ATF7IP: variants seen among roughly 807,000 people sequenced by gnomAD.
The protein encoded by ATF7IP is activating transcription factor 7 interacting protein, also known as activating transcription factor 7-interacting protein 1.
A neutral mutation model predicts 106.4 loss-of-function variants in ATF7IP; 23 were observed. The ratio of observed to expected loss-of-function variants is 0.22; its 90% CI spans 0.16 to 0.31. The LOEUF (loss-of-function observed/expected upper bound fraction) is 0.31, where lower values mean the gene tolerates loss of function less well. Ranked by LOEUF, ATF7IP falls within the 10% of genes least tolerant of loss-of-function variation. The probability of loss-of-function intolerance (pLI) is 1.00; values close to 1 mark genes in which losing one functional copy is unlikely to be tolerated. For synonymous variants in ATF7IP, 542 were observed against 539.0 expected (o/e 1.01, Z -0.08); for missense variants, 1,334 against 1,524.3 (o/e 0.88, Z 2.08).
intron 8 of ATF7IP, among the ~76,000 whole-genome samples, chr12:14,459,982 A>G (rs947987604): frequency 3.5e-4 from 54 of 152,302 alleles, no homozygotes; most frequent in Admixed American, 2.4e-3. Flanking sequence ...AAGGAATTCA[A>G]TCAAACTTGA....
At chr12:14,417,439 A>G in intron 1 of ATF7IP, among the ~76,000 whole-genome samples, 1 of 152,110 alleles carries the variant, frequency 6.6e-6, no homozygotes. Flanking sequence ...AATCTGTAAC[A>G]ATAGTGGTAG....
At chr12:14,452,367 A>C (rs916248702) in intron 6 of ATF7IP, among the ~76,000 whole-genome samples, 16 of 151,900 alleles carry the variant, frequency 1.1e-4, no homozygotes, top group African/African-American at 3.6e-4. Flanking sequence ...GAAGGGACTT[A>C]TTGTTGTCAT....
chr12:14,479,859 G>A (rs1382921426), intron 12 of ATF7IP, among the ~76,000 whole-genome samples: 2 of 152,052 alleles, frequency 1.3e-5, no homozygotes, highest in Admixed American at 6.5e-5. Flanking sequence ...TTATAAGTAA[G>A]TTCAACCTTG....
In ATF7IP at chr12:14,481,171, T is replaced by G. The variant is rs759681950; in HGVS notation, c.3266T>G (p.Val1089Gly). The change falls in exon 13 of 15, where the codon GTC (valine) becomes GGC (glycine). Residue 1089 changes from valine (V) to glycine (G), a missense_variant. Val to Gly is a moderately radical substitution (Grantham distance 109, BLOSUM62 -3). Coordinates refer to ENST00000261168, the MANE Select transcript of ATF7IP (RefSeq NM_018179.5). ...TVMQAPAVRQVNPQNSVTVRV... is the reference protein window; with the variant it reads ...TVMQAPAVRQGNPQNSVTVRV... ...ATGCAGGCTCCTGCTGTTCGGCAGG[T>G]CAATCCCCAAAATAGTAAGAGATTT... The G allele has an allele frequency of 4.3e-6, 7 of 1,613,716 alleles. No homozygotes were observed. Among genetic ancestry groups the G allele is most frequent in the Non-Finnish European group, 5.9e-6 (7 of 1,179,944 alleles).
At chr12:14,395,829 T>G (rs2136447526) in intron 1 of ATF7IP, among the ~76,000 whole-genome samples, 1 of 152,230 alleles carries the variant, frequency 6.6e-6, no homozygotes, top group South Asian at 2.1e-4. Context: ...TTATTATTAT[T>G]TTAATAAAGT....
At position 14,460,605 on chromosome 12, in the gene ATF7IP, A is replaced by C. The variant is rs971982742; in HGVS notation, c.2269A>C (p.Asn757His). 1 of 1,614,062 alleles carries C rather than the reference A, an allele frequency of 6.2e-7. No homozygotes were observed. Among genetic ancestry groups the C allele is most frequent in the African/African-American group, 1.3e-5 (1 of 74,924 alleles). Residue 757 changes from asparagine (N) to histidine (H), a missense_variant, in exon 9 of 15, where the codon AAT becomes CAT. Asn to His is a moderately conservative substitution (Grantham distance 68). Around this residue, in one of 10 missense-constraint regions of ATF7IP, gnomAD observed 171 missense variants for 172.6 expected, o/e 0.99. Coordinates refer to ENST00000261168, the MANE Select transcript of ATF7IP (RefSeq NM_018179.5). ...LTATSVLPAP[N>H]TATVVATTQV... The stretch of plus-strand genomic sequence containing the variant: ...AGCAACGTCAGTTCTTCCTGCACCC[A>C]ATACAGCTACTGTAGTTGCTACTAC...
At chr12:14,368,662 A>G (rs1043649736) in intron 1 of ATF7IP, among the ~76,000 whole-genome samples, 2 of 152,088 alleles carry the variant, frequency 1.3e-5, no homozygotes, top group Non-Finnish European at 2.9e-5. Context: ...CATCAATTAG[A>G]TGGGTGAAAA....
chr12:14,444,990 G>GTTTTT (rs1206306341), intron 5 of ATF7IP, among the ~76,000 whole-genome samples: 2 of 131,546 alleles, frequency 1.5e-5, no homozygotes, highest in African/African-American at 5.7e-5. Flanking sequence ...TAACCACCTA[G>GTTTTT]TTTTTTTTTT....
At chr12:14,473,702 C>G (rs1944146314) in intron 10 of ATF7IP, among the ~76,000 whole-genome samples, 1 of 117,326 alleles carries the variant, frequency 8.5e-6, no homozygotes, top group Non-Finnish European at 1.9e-5. Flanking sequence ...TGTAGATCTG[C>G]TAGTGATACA....
chr12:14,447,119 A>C lies in ATF7IP; in HGVS notation c.1995+66A>C, dbSNP rs1045789553. On this transcript the variant is annotated intron_variant, in intron 6 of 14. Coordinates refer to ENST00000261168, the MANE Select transcript of ATF7IP (RefSeq NM_018179.5). ...AAGTGGTAATCTTAGGAAATGCTGA[A>C]TTAGGAGGAAACTGTATTACAAATC... The C allele has an allele frequency of 3.4e-5, 43 of 1,265,636 alleles. No homozygotes were observed. In the South Asian group the frequency reaches 5.4e-4, roughly 16 times the overall value. The allele number at this position is 1,265,636 out of a possible 1,614,324, so 78.4% of individuals were successfully genotyped here. A position where few individuals can be genotyped will look rare whatever the true frequency, so the allele number is the denominator to read the frequency against.
chr12:14,479,711 CT>C (rs1291966728), intron 12 of ATF7IP, among the ~76,000 whole-genome samples: 2 of 152,126 alleles, frequency 1.3e-5, no homozygotes, highest in Non-Finnish European at 2.9e-5. Flanking sequence ...CTTATGCAGA[CT>C]TTCCTATCAG....
At chr12:14,463,625 T>G (rs566454696) in intron 9 of ATF7IP, among the ~76,000 whole-genome samples, 1 of 152,140 alleles carries the variant, frequency 6.6e-6, no homozygotes, top group South Asian at 2.1e-4. Context: ...ATGGGGGAAA[T>G]ACGGTTAAAG....
rs116115115 is a variant in ATF7IP at position 14,495,375 on chromosome 12, T to C, written c.3281-856T>C. The stretch of plus-strand genomic sequence containing the variant: ...GCTATTTAAAGAAACACAGTAATGC[T>C]ATCATTTAGAAAATAAACTGATTGG... On this transcript the variant is annotated intron_variant, in intron 13 of 14. Coordinates refer to ENST00000261168, the MANE Select transcript of ATF7IP (RefSeq NM_018179.5). Among the ~76,000 whole-genome samples the C allele has an allele frequency of 4.4e-3, 669 of 152,370 alleles. 4 individuals carry two copies. Among genetic ancestry groups the C allele is most frequent in the African/African-American group, 0.015 (643 of 41,594 alleles).
intron 1 of ATF7IP, among the ~76,000 whole-genome samples, chr12:14,370,355 A>G (rs1938483669): frequency 6.6e-6 from 1 of 152,164 alleles, no homozygotes; most frequent in South Asian, 2.1e-4. Flanking sequence ...TTCTTAGAGC[A>G]TTATTGCATT....
intron 1 of ATF7IP, among the ~76,000 whole-genome samples, chr12:14,412,213 A>G (rs1009750094): frequency 1.3e-5 from 2 of 152,210 alleles, no homozygotes; most frequent in African/African-American, 2.4e-5. Context: ...AATGCAAAGT[A>G]TGAGTTCTCC....
intron 13 of ATF7IP, chr12:14,482,519 A>G (rs907470731): frequency 1.3e-5 from 2 of 152,260 alleles, no homozygotes; most frequent in African/African-American, 4.8e-5. Flanking sequence ...CTTTGTATTC[A>G]TTGACAGCTG....
chr12:14,423,042 C>T (rs1941617628), intron 1 of ATF7IP, among the ~76,000 whole-genome samples: 1 of 152,154 alleles, frequency 6.6e-6, no homozygotes, highest in Non-Finnish European at 1.5e-5. Context: ...TTTTTCACAT[C>T]CTTGCCAACA....
At chr12:14,480,270 CAAG>C (rs1347812380) in intron 12 of ATF7IP, among the ~76,000 whole-genome samples, 1 of 151,996 alleles carries the variant, frequency 6.6e-6, no homozygotes, top group Non-Finnish European at 1.5e-5. Flanking sequence ...GAGTTGTTAA[CAAG>C]AAAGTGTCAC....
At chr12:14,468,285 A>C (rs898074168) in intron 10 of ATF7IP, among the ~76,000 whole-genome samples, 51 of 151,144 alleles carry the variant, frequency 3.4e-4, no homozygotes, top group Admixed American at 3.2e-3. Context: ...AAAAAAAAAA[A>C]AAAAGAAATA....
Sources: allele counts gnomAD v4.1 joint callset (sites outside exome capture counted in the v4.1 genomes callset), GRCh38; gene constraint gnomAD v4.1.1; regional missense constraint gnomAD v4.1.1; transcripts MANE v1.5; gene names NCBI Gene and HGNC (gene_info 2026-07-23, HGNC 2026-07-21).